The following PCDHA10 variants were observed in gnomAD, a reference collection of about 807,000 sequenced individuals.
PCDHA10 encodes protocadherin alpha-10.
Under a neutral mutation model 61.2 loss-of-function variants are expected in PCDHA10, and 45 were observed. The observed-to-expected ratio is 0.74, with a 90% confidence interval of 0.58 to 0.94. PCDHA10 has a LOEUF of 0.94. PCDHA10 is among the 40% of genes least tolerant of loss of function. The pLI is 0.00. For synonymous variants in PCDHA10, 602 were observed against 548.8 expected, an observed-to-expected ratio of 1.10 and a Z score of -1.35; for missense variants, 1,278 against 1,236.2, an observed-to-expected ratio of 1.03 and a Z score of -0.51.
rs1299546647 is a variant in PCDHA10 at position 140,935,314 on chromosome 5, A to T, written c.2389-43635A>T. 2.0e-5 allele frequency among the ~76,000 whole-genome samples: 3 copies of T among 152,208 alleles called. No homozygotes were observed. In the East Asian group the frequency reaches 5.8e-4, roughly 29 times the overall value. ...TCCGAGGTTTTTACTTAACTTCATC[A>T]ATCTTACATTCCTATTTCTCCCATA... On this transcript the variant is annotated intron_variant, in intron 1 of 3. Transcript: ENST00000307360.
intron 1 of PCDHA10, among the ~76,000 whole-genome samples, chr5:140,910,884 T>C (rs748501328): frequency 3.3e-5 from 5 of 152,254 alleles, no homozygotes; most frequent in Non-Finnish European, 7.3e-5. Flanking sequence ...ACCCTTAATA[T>C]CCATTCCTAT....
chr5:140,890,739 C>T (rs1202760840), intron 1 of PCDHA10, among the ~76,000 whole-genome samples: 1 of 152,112 alleles, frequency 6.6e-6, no homozygotes, highest in Non-Finnish European at 1.5e-5. Flanking sequence ...GACTTATATA[C>T]TATTTCTGTC....
intron 1 of PCDHA10, chr5:140,877,301 A>G: frequency 1.2e-6 from 2 of 1,613,876 alleles, no homozygotes. Context: ...CTGTCCTACG[A>G]GTTGCAACCG....
chr5:140,862,447 G>C, intron 1 of PCDHA10: 1 of 362,296 alleles, frequency 2.8e-6, no homozygotes, highest in Non-Finnish European at 5.5e-6. Flanking sequence ...GTACTCCACA[G>C]CGCCCTGGAC....
chr5:140,911,827 A>C (rs2075655305), intron 1 of PCDHA10, among the ~76,000 whole-genome samples: 1 of 152,162 alleles, frequency 6.6e-6, no homozygotes, highest in African/African-American at 2.4e-5. Context: ...GAAACCCCAA[A>C]ACCAATGAAA....
intron 1 of PCDHA10, chr5:140,883,651 G>T: frequency 6.2e-7 from 1 of 1,613,652 alleles, no homozygotes. Context: ...CCGAGTACAC[G>T]GTGTTCGTGA....
At chr5:140,870,436 G>A (rs782478068) in intron 1 of PCDHA10, 7 of 1,614,128 alleles carry the variant, frequency 4.3e-6, no homozygotes, top group Non-Finnish European at 5.9e-6. Context: ...CGTGGAGGTG[G>A]CCGACGTGAA....
At chr5:140,981,336 G>A (rs1332617891) in intron 2 of PCDHA10, among the ~76,000 whole-genome samples, 1 of 152,188 alleles carries the variant, frequency 6.6e-6, no homozygotes, top group Non-Finnish European at 1.5e-5. Context: ...CACTTTGGGA[G>A]GGTGAGGCAG....
At chr5:140,877,489 G>C (rs782165291) in intron 1 of PCDHA10, 3 of 1,613,844 alleles carry the variant, frequency 1.9e-6, no homozygotes, top group Non-Finnish European at 1.7e-6. Context: ...GGTGGAGAAC[G>C]GCCAGGCCCC....
intron 1 of PCDHA10, chr5:140,968,973 C>T (rs1404110882): frequency 4.3e-6 from 7 of 1,614,076 alleles, no homozygotes; most frequent in African/African-American, 2.7e-5. Flanking sequence ...CGCTACACTG[C>T]GTATGGCACT....
chr5:140,982,634 T>C, intron 3 of PCDHA10, 71 bp downstream of exon 3: 1 of 1,555,420 alleles, frequency 6.4e-7, no homozygotes, highest in Non-Finnish European at 8.7e-7. Flanking sequence ...TTTTGTAAGA[T>C]CAGGAATGTT....
At chr5:140,967,143 A>G in intron 1 of PCDHA10, 1 of 1,611,272 alleles carries the variant, frequency 6.2e-7, no homozygotes, top group South Asian at 1.1e-5. Flanking sequence ...GTGCTGGCGC[A>G]CAACCCCGTG....
chr5:140,936,000 C>G (rs370629183), intron 1 of PCDHA10, among the ~76,000 whole-genome samples: 1 of 150,536 alleles, frequency 6.6e-6, no homozygotes, highest in African/African-American at 2.4e-5. Flanking sequence ...TCAAGCGATT[C>G]TCCCACCTCA....
At chr5:140,884,194 G>C in intron 1 of PCDHA10, 1 of 1,613,402 alleles carries the variant, frequency 6.2e-7, no homozygotes, top group Non-Finnish European at 8.5e-7. Flanking sequence ...AGGTGGACGC[G>C]CCGCACCACC....
intron 1 of PCDHA10, among the ~76,000 whole-genome samples, chr5:140,888,362 T>G (rs1282144902): frequency 6.6e-6 from 1 of 152,208 alleles, no homozygotes; most frequent in African/African-American, 2.4e-5. Flanking sequence ...TACTGGCATC[T>G]AATAATGGAG....
intron 1 of PCDHA10, chr5:140,871,036 C>T: frequency 6.2e-7 from 1 of 1,613,274 alleles, no homozygotes; most frequent in Non-Finnish European, 8.5e-7. Context: ...GCCGCGCCAC[C>T]GACTTCTAGT....
At chr5:140,967,138 G>A in intron 1 of PCDHA10, 1 of 1,611,568 alleles carries the variant, frequency 6.2e-7, no homozygotes, top group Middle Eastern at 1.7e-4. Flanking sequence ...TGGAAGTGCT[G>A]GCGCACAACC....
In PCDHA10 at chr5:140,858,234, C is replaced by A. The variant is rs782153266; in HGVS notation, c.2186C>A (p.Ala729Glu). 1 of 1,596,332 alleles carries A rather than the reference C, an allele frequency of 6.3e-7. No homozygotes were observed. The highest frequency in any genetic ancestry group is 1.1e-5 in the South Asian group (1 of 90,488). ...TGCTCGGCGGCGCCCACCGAGGGCG[C>A]ATGTGGGCCGGTGAAGCCCACGCTG... ...LRCSAAPTEG[A>E]CGPVKPTLVC... Residue 729 changes from alanine (A) to glutamate (E), a missense_variant, in exon 1 of 4, where the codon GCA becomes GAA. Ala to Glu is a moderately radical substitution (Grantham distance 107). Transcript: ENST00000307360.
rs782703183 is a variant in PCDHA10 at position 140,882,765 on chromosome 5, C to A, written c.2388+24329C>A. On this transcript the variant is annotated intron_variant, in intron 1 of 3. Transcript: ENST00000307360. ...TCCGATGCAGATATTGGAGTAAACT[C>A]GGCATTGACCTACCGACTGGATCCC... 1.5e-5 allele frequency: 25 copies of A among 1,614,104 alleles called. No individual in the cohort carries two copies. In the South Asian group the frequency reaches 2.7e-4, roughly 18 times the overall value.
Sources: allele counts gnomAD v4.1 joint callset (sites outside exome capture counted in the v4.1 genomes callset), GRCh38; gene constraint gnomAD v4.1.1; transcripts MANE v1.5; gene names NCBI Gene and HGNC (gene_info 2026-07-23, HGNC 2026-07-21).